Variants in ANO3 observed in about 807,000 individuals in gnomAD.
ANO3 encodes the protein anoctamin 3.
ANO3 carries 99 observed loss-of-function variants against 144.8 expected under a neutral mutation model. That is an observed-to-expected ratio of 0.68 (90% confidence interval 0.58 to 0.81). The LOEUF (loss-of-function observed/expected upper bound fraction) is 0.81, where lower values mean the gene tolerates loss of function less well. Ranked by LOEUF, ANO3 falls within the 30% of genes least tolerant of loss-of-function variation. The probability of loss-of-function intolerance (pLI) is 0.00; values close to 1 mark genes in which losing one functional copy is unlikely to be tolerated. For missense variants in ANO3, 905 were observed against 1,202.2 expected (o/e 0.75, Z 3.66); for synonymous variants, 414 against 392.6 (o/e 1.05, Z -0.64).
At chr11:26,213,993 G>A (rs1275790634) in intron 1 of ANO3, among the ~76,000 whole-genome samples, 1 of 151,846 alleles carries the variant, frequency 6.6e-6, no homozygotes. Context: ...GACTACTGTA[G>A]GTTTAGTTAG....
chr11:26,366,493 C>A (rs1856089381), intron 1 of ANO3, among the ~76,000 whole-genome samples: 1 of 152,036 alleles, frequency 6.6e-6, no homozygotes, highest in South Asian at 2.1e-4. Context: ...GGGTATATAC[C>A]TAGTAATGGG....
chr11:26,642,096 T>G, intron 22 of ANO3, 67 bp downstream of exon 22: 1 of 1,549,434 alleles, frequency 6.5e-7, no homozygotes, highest in Non-Finnish European at 8.8e-7. Context: ...CACAGAAGCT[T>G]TGGTTCAACA....
At chr11:26,450,212 G>A (rs564577063) in intron 3 of ANO3, among the ~76,000 whole-genome samples, 42 of 152,294 alleles carry the variant, frequency 2.8e-4, no homozygotes, top group Non-Finnish European at 5.6e-4. Flanking sequence ...CTTGGTGCAA[G>A]CTATCTACTC....
chr11:26,510,132 C>CAAAAA (rs67543168), intron 5 of ANO3, among the ~76,000 whole-genome samples: 89 of 46,008 alleles, frequency 1.9e-3, no homozygotes, highest in Non-Finnish European at 2.8e-3. Flanking sequence ...GACTCCATCT[C>CAAAAA]AAAAAAAAAA....
chr11:26,445,188 A>G (rs1400131429), intron 3 of ANO3, among the ~76,000 whole-genome samples: 5 of 152,176 alleles, frequency 3.3e-5, no homozygotes, highest in African/African-American at 2.4e-5. Flanking sequence ...AAAGTTTCAG[A>G]TTTTGGAGCA....
chr11:26,510,153 AGAGTAG>A (rs1565070274), intron 5 of ANO3, among the ~76,000 whole-genome samples: 35 of 128,528 alleles, frequency 2.7e-4, no homozygotes, highest in Middle Eastern at 4.3e-3. Flanking sequence ...AAAAAAAAAA[AGAGTAG>A]AAAAGAAAAA....
At position 26,274,046 on chromosome 11, in the gene ANO3, A is replaced by AG. The variant is rs200491413; in HGVS notation, c.155-35598dup. On this transcript the variant is annotated intron_variant, in intron 1 of 27. Coordinates refer to the ANO3 transcript ENST00000672621. Reference sequence around the variant, plus strand: ...CCATCCGGGACATGGCACAAAGGGAAGAAAAAAATAGACAGTGGATGCTTC... The same window carrying AG: ...CCATCCGGGACATGGCACAAAGGGAAGGAAAAAAATAGACAGTGGATGCTTC... Among the ~76,000 whole-genome samples, 781 of 147,324 alleles carry AG rather than the reference A, an allele frequency of 5.3e-3. 9 individuals carry two copies. Among genetic ancestry groups the AG allele is most frequent in the African/African-American group, 0.019 (735 of 38,994 alleles).
chr11:26,503,370 G>T (rs1861276682), intron 4 of ANO3, among the ~76,000 whole-genome samples: 1 of 152,056 alleles, frequency 6.6e-6, no homozygotes, highest in Non-Finnish European at 1.5e-5. Context: ...TAGATGTAAT[G>T]ACACAGGTAA....
In ANO3 at chr11:26,367,483, G is replaced by A. The variant is rs551727418; in HGVS notation, c.46+35162G>A. On this transcript the variant is annotated intron_variant, in intron 1 of 26. Transcript: ENST00000256737. ...TCACAACTATTTAATCACCCTCCGAGAAGTTCCAAACTTTCCCTCATCTGT... is the reference window on the plus strand; with the variant it reads ...TCACAACTATTTAATCACCCTCCGAAAAGTTCCAAACTTTCCCTCATCTGT... Among the ~76,000 whole-genome samples, 11 of 151,982 alleles carry A rather than the reference G, an allele frequency of 7.2e-5. No individual in the cohort carries two copies. The East Asian group carries it at 1.7e-3, about 24-fold the overall frequency.
intron 1 of ANO3, among the ~76,000 whole-genome samples, chr11:26,410,839 C>T (rs543861902): frequency 1.3e-5 from 2 of 152,014 alleles, no homozygotes; most frequent in South Asian, 4.2e-4. Flanking sequence ...CCATCCAGAA[C>T]CAGAGTCTAA....
chr11:26,207,765 G>A (rs1590193441), intron 1 of ANO3, among the ~76,000 whole-genome samples: 2 of 123,852 alleles, frequency 1.6e-5, no homozygotes, highest in Non-Finnish European at 1.9e-5. Flanking sequence ...TTTTTAATAC[G>A]TTTTGTAATA....
intron 22 of ANO3, 101 bp downstream of exon 22, chr11:26,642,130 C>A: frequency 1.5e-6 from 2 of 1,321,884 alleles, no homozygotes; most frequent in Non-Finnish European, 2.1e-6. Context: ...CTTTCCTTTC[C>A]AACCCCAAGC....
intron 1 of ANO3, among the ~76,000 whole-genome samples, chr11:26,337,939 G>GA (rs541308375): frequency 3.0e-4 from 45 of 148,654 alleles, no homozygotes; most frequent in African/African-American, 5.7e-4. Context: ...AGTCTCAAAA[G>GA]AAAAAAAAAA....
At chr11:26,624,338 T>C (rs1203498938) in intron 17 of ANO3, 124 bp from the exon 18 acceptor site, 2 of 626,564 alleles carry the variant, frequency 3.2e-6, no homozygotes, top group Non-Finnish European at 5.6e-6. Context: ...AATAAATGTT[T>C]CTATTTAAAG....
chr11:26,644,912 C>T (rs1372431823), intron 23 of ANO3, among the ~76,000 whole-genome samples: 1 of 151,334 alleles, frequency 6.6e-6, no homozygotes, highest in South Asian at 2.1e-4. Context: ...TATATATAAA[C>T]AGAGATGCTG....
At chr11:26,648,715 G>C (rs997737679) in intron 24 of ANO3, among the ~76,000 whole-genome samples, 2 of 152,204 alleles carry the variant, frequency 1.3e-5, no homozygotes, top group Non-Finnish European at 2.9e-5. Context: ...TTTGAGGAAC[G>C]GAGAGGAGTT....
intron 14 of ANO3, among the ~76,000 whole-genome samples, chr11:26,577,965 C>A (rs1314002505): frequency 6.6e-6 from 1 of 152,100 alleles, no homozygotes; most frequent in East Asian, 1.9e-4. Context: ...AGGGAGTGAA[C>A]TAGAACTATG....
At chr11:26,293,642 T>G (rs1174995511) in intron 1 of ANO3, among the ~76,000 whole-genome samples, 1 of 149,248 alleles carries the variant, frequency 6.7e-6, no homozygotes, top group Non-Finnish European at 1.5e-5. Flanking sequence ...CAAAGATCAT[T>G]TTATGGAAAT....
intron 1 of ANO3, among the ~76,000 whole-genome samples, chr11:26,423,456 T>A (rs1857817329): frequency 1.3e-5 from 2 of 151,730 alleles, no homozygotes; most frequent in East Asian, 3.9e-4. Flanking sequence ...AATATCTGAA[T>A]GAATAAACAT....
Sources: allele counts gnomAD v4.1 joint callset (sites outside exome capture counted in the v4.1 genomes callset), GRCh38; gene constraint gnomAD v4.1.1; transcripts MANE v1.5; gene names NCBI Gene and HGNC (gene_info 2026-07-23, HGNC 2026-07-21).